Variants in CPNE4 observed in about 807,000 individuals in gnomAD.
The protein encoded by CPNE4 is copine-4.
In CPNE4, 25 loss-of-function variants were observed where a neutral mutation model predicts 67.9. The ratio of observed to expected loss-of-function variants is 0.37; its 90% CI spans 0.27 to 0.51. CPNE4 has a LOEUF of 0.51. Ranked by LOEUF, CPNE4 falls within the 20% of genes least tolerant of loss-of-function variation. The pLI is 0.93. For missense variants in CPNE4, 464 were observed against 690.8 expected, an observed-to-expected ratio of 0.67 and a Z score of 3.68; for synonymous variants, 242 against 244.9, an observed-to-expected ratio of 0.99 and a Z score of 0.11.
At chr3:131,878,648 C>T (rs1460950466) in intron 2 of CPNE4, among the ~76,000 whole-genome samples, 1 of 152,128 alleles carries the variant, frequency 6.6e-6, no homozygotes, top group Non-Finnish European at 1.5e-5. Context: ...GGACATTCCT[C>T]CAAAGAAAGA....
chr3:131,763,694 T>A (rs73220478), intron 2 of CPNE4, among the ~76,000 whole-genome samples: 1 of 152,016 alleles, frequency 6.6e-6, no homozygotes, highest in Non-Finnish European at 1.5e-5. Flanking sequence ...AAGGAATAAA[T>A]AGTATTCTCC....
At chr3:131,968,411 G>A (rs2072410644) in intron 1 of CPNE4, among the ~76,000 whole-genome samples, 2 of 152,198 alleles carry the variant, frequency 1.3e-5, no homozygotes, top group African/African-American at 2.4e-5. Context: ...TGTCATCACA[G>A]TGAACATGCA....
intron 1 of CPNE4, among the ~76,000 whole-genome samples, chr3:131,966,588 A>T (rs1042217851): frequency 6.6e-6 from 1 of 152,240 alleles, no homozygotes; most frequent in Admixed American, 6.5e-5. Context: ...AGAATACTAT[A>T]AACAACTCTA....
At chr3:131,645,448 A>G (rs2107614942) in intron 7 of CPNE4, among the ~76,000 whole-genome samples, 1 of 152,300 alleles carries the variant, frequency 6.6e-6, no homozygotes, top group East Asian at 1.9e-4. Flanking sequence ...CATTTTGACT[A>G]TTTATTATAT....
chr3:131,700,395 G>A (rs1486391157), intron 3 of CPNE4, among the ~76,000 whole-genome samples: 2 of 152,056 alleles, frequency 1.3e-5, no homozygotes, highest in African/African-American at 4.8e-5. Context: ...AGGAACTAAA[G>A]GGCTAAATAT....
intron 1 of CPNE4, among the ~76,000 whole-genome samples, chr3:131,983,920 C>T (rs2072973841): frequency 6.6e-6 from 1 of 152,158 alleles, no homozygotes; most frequent in South Asian, 2.1e-4. Flanking sequence ...TCACAAATTA[C>T]TTCAGTGCTG....
Position 131,722,443 on chromosome 3 carries a change from A to ACC in CPNE4, c.360+1001_360+1002dup, listed in dbSNP as rs11402444. On this transcript the variant is annotated intron_variant, in intron 3 of 15. Transcript: ENST00000429747. The stretch of plus-strand genomic sequence containing the variant: ...GGAAAGTGGTCTCTTCCCACCCCAT[A>ACC]CCCCCCCACGTTTGTTCTGACCCCT... 3.1e-4 allele frequency among the ~76,000 whole-genome samples: 46 copies of ACC among 148,800 alleles called. 1 individual carries two copies. Among genetic ancestry groups the ACC allele is most frequent in the African/African-American group, 6.7e-4 (27 of 40,114 alleles).
At chr3:131,916,050 T>C (rs920956989) in intron 1 of CPNE4, among the ~76,000 whole-genome samples, 8 of 152,174 alleles carry the variant, frequency 5.3e-5, no homozygotes, top group Admixed American at 1.3e-4. Flanking sequence ...AGAAATCGTA[T>C]AAATGACTAT....
At chr3:131,608,396 AC>A (rs1489894392) in intron 7 of CPNE4, among the ~76,000 whole-genome samples, 2 of 152,124 alleles carry the variant, frequency 1.3e-5, no homozygotes, top group African/African-American at 4.8e-5. Flanking sequence ...TGAAGGACTT[AC>A]AGTAGAATTG....
chr3:131,942,459 TGTGTGAGA>T (rs1198374645), intron 1 of CPNE4, among the ~76,000 whole-genome samples: 111 of 56,262 alleles, frequency 2.0e-3, no homozygotes, highest in South Asian at 6.5e-3. Context: ...TGTGTGTGTG[TGTGTGAGA>T]GAGAGAGAGA....
At chr3:131,980,884 T>A (rs2072887078) in intron 1 of CPNE4, among the ~76,000 whole-genome samples, 1 of 152,154 alleles carries the variant, frequency 6.6e-6, no homozygotes, top group South Asian at 2.1e-4. Flanking sequence ...CCACATGATG[T>A]TCCCTTGTTG....
intron 15 of CPNE4, chr3:131,537,744 A>C (rs1022176455): frequency 6.3e-6 from 1 of 159,856 alleles, no homozygotes; most frequent in Non-Finnish European, 1.4e-5. Context: ...TGATTACTGG[A>C]GCTATAGCAA....
chr3:131,583,095 C>T lies in CPNE4; in HGVS notation c.781-1430G>A, dbSNP rs191655235. On this transcript the variant is annotated intron_variant, in intron 8 of 15. Transcript: ENST00000429747. ...TATACCAGTGAAGAGTCCTCTATGA[C>T]TCCTTCAAAATATGGAATTCTTGGG... Among the ~76,000 whole-genome samples the T allele has an allele frequency of 1.6e-4, 25 of 152,256 alleles. No homozygotes were observed. In the East Asian group the frequency reaches 4.2e-3, roughly 26 times the overall value.
intron 2 of CPNE4, among the ~76,000 whole-genome samples, chr3:131,822,467 A>G (rs2107972337): frequency 6.6e-6 from 1 of 152,336 alleles, no homozygotes; most frequent in East Asian, 1.9e-4. Context: ...CCCCAATTTC[A>G]TATCCATATA....
intron 9 of CPNE4, among the ~76,000 whole-genome samples, chr3:131,579,858 T>C (rs1196272483): frequency 6.6e-6 from 1 of 152,242 alleles, no homozygotes; most frequent in Non-Finnish European, 1.5e-5. Flanking sequence ...CTGGTGAAGA[T>C]GCTGTGAACA....
intron 1 of CPNE4, among the ~76,000 whole-genome samples, chr3:131,977,335 T>C (rs2072688499): frequency 6.6e-6 from 1 of 152,130 alleles, no homozygotes; most frequent in Admixed American, 6.5e-5. Context: ...AAGACACCAT[T>C]TTGTTGTCAC....
At chr3:131,679,920 G>A (rs2080696376) in intron 6 of CPNE4, among the ~76,000 whole-genome samples, 1 of 152,156 alleles carries the variant, frequency 6.6e-6, no homozygotes, top group South Asian at 2.1e-4. Flanking sequence ...TGCATGGAGA[G>A]TTCTGTAGAT....
chr3:131,669,542 G>A (rs1332387466), intron 7 of CPNE4, 133 bp downstream of exon 7: 4 of 621,468 alleles, frequency 6.4e-6, no homozygotes, highest in Admixed American at 2.8e-5. Flanking sequence ...TTCTTCCATC[G>A]AGATGCTAAA....
chr3:131,603,400 G>A (rs1409123962), intron 7 of CPNE4, among the ~76,000 whole-genome samples: 1 of 152,146 alleles, frequency 6.6e-6, no homozygotes, highest in Non-Finnish European at 1.5e-5. Context: ...CTCAATAAGT[G>A]TTGCTTGGAT....
Sources: gnomAD v4.1 joint callset for allele counts (sites outside exome capture counted in the v4.1 genomes callset) on GRCh38, gnomAD v4.1.1 for gene constraint, MANE v1.5 for transcripts, NCBI Gene and HGNC (gene_info 2026-07-23, HGNC 2026-07-21) for gene names.